Variants in DPH6 observed in about 807,000 individuals in gnomAD.
DPH6 encodes diphthine--ammonia ligase.
DPH6 carries 33 observed loss-of-function variants against 38.2 expected under a neutral mutation model. The ratio of observed to expected loss-of-function variants is 0.86; its 90% CI spans 0.65 to 1.15. The LOEUF (loss-of-function observed/expected upper bound fraction) is 1.15. Among genes scored for constraint, DPH6 ranks in the 50% most tolerant of loss-of-function variants. DPH6 has a pLI of 0.00. For missense variants in DPH6, 325 were observed against 320.0 expected, an observed-to-expected ratio of 1.02 and a Z score of -0.12; for synonymous variants, 108 against 103.0, an observed-to-expected ratio of 1.05 and a Z score of -0.30.
intron 3 of DPH6, among the ~76,000 whole-genome samples, chr15:35,534,171 A>C (rs1011392859): frequency 2.6e-4 from 39 of 152,240 alleles, no homozygotes; most frequent in Non-Finnish European, 1.0e-4. Context: ...TGAGGTCGGG[A>C]GTTTGAGACC....
chr15:35,520,321 GAA>G (rs2054906499), intron 3 of DPH6: 2 of 979,504 alleles, frequency 2.0e-6, no homozygotes, highest in Non-Finnish European at 2.4e-6. Flanking sequence ...AAGTAAAATA[GAA>G]AAAGCAAGTT....
At chr15:35,523,480 T>C (rs2054953930) in intron 3 of DPH6, among the ~76,000 whole-genome samples, 1 of 151,924 alleles carries the variant, frequency 6.6e-6, no homozygotes, top group Admixed American at 6.6e-5. Context: ...ACCTATTTTA[T>C]AACATTATAT....
chr15:35,397,272 T>A (rs1007770925), intron 6 of DPH6, among the ~76,000 whole-genome samples: 2 of 152,230 alleles, frequency 1.3e-5, no homozygotes, highest in Admixed American at 1.3e-4. Flanking sequence ...GATTTCCCAA[T>A]TCTTTGACAG....
chr15:35,435,912 C>G (rs1234105252), intron 5 of DPH6, among the ~76,000 whole-genome samples: 2 of 152,044 alleles, frequency 1.3e-5, no homozygotes, highest in Non-Finnish European at 2.9e-5. Flanking sequence ...CAGCCTTGGT[C>G]CAAACCAGCC....
At chr15:35,442,932 G>C (rs1194369986) in intron 5 of DPH6, among the ~76,000 whole-genome samples, 1 of 152,084 alleles carries the variant, frequency 6.6e-6, no homozygotes, top group Non-Finnish European at 1.5e-5. Flanking sequence ...TTCCTTTTTG[G>C]GGAACACAAA....
the DPH6 span, among the ~76,000 whole-genome samples, chr15:35,171,462 G>A: frequency 5.3e-5 from 8 of 152,260 alleles, no homozygotes; most frequent in Middle Eastern, 3.4e-3. Flanking sequence ...ATGAAAATAG[G>A]TTGAAACACA....
chr15:35,448,365 T>C (rs1279658665), intron 5 of DPH6, among the ~76,000 whole-genome samples: 1 of 152,218 alleles, frequency 6.6e-6, no homozygotes, highest in Non-Finnish European at 1.5e-5. Flanking sequence ...ATATCTCTTG[T>C]GACCTTGATA....
rs893446395 is a variant in DPH6 at position 35,546,124 on chromosome 15, C to T, written c.18G>A (p.Leu6=). 56 of 1,409,240 alleles carry T rather than the reference C, an allele frequency of 4.0e-5. No individual in the cohort carries two copies. The highest frequency in any genetic ancestry group is 4.7e-5 in the Non-Finnish European group (50 of 1,067,748). 87.3% of individuals were successfully genotyped at this position (1,409,240 alleles called of 1,614,324 possible). A position where few individuals can be genotyped will look rare whatever the true frequency, so the allele number is the denominator to read the frequency against. Reference sequence around the variant, plus strand: ...CGGCTCCAGGACCGCATTACCTGATCAGAGCCGCGACCCTCATGCTGGGCG... The same window carrying T: ...CGGCTCCAGGACCGCATTACCTGATTAGAGCCGCGACCCTCATGCTGGGCG... MRVAA[L]ISGGKDSCYN... Residue 6 remains leucine (L), a synonymous_variant, in exon 1 of 9, where the codon CTG becomes CTA. Coordinates refer to ENST00000256538, the MANE Select transcript of DPH6 (RefSeq NM_080650.4).
At chr15:35,273,250 C>T (rs1595456262) in intron 3 of DPH6, among the ~76,000 whole-genome samples, 1 of 152,174 alleles carries the variant, frequency 6.6e-6, no homozygotes, top group East Asian at 1.9e-4. Flanking sequence ...ACCCATCACC[C>T]GACCAGTATA....
chr15:35,473,331 T>C (rs2054220535), intron 3 of DPH6, among the ~76,000 whole-genome samples: 1 of 152,128 alleles, frequency 6.6e-6, no homozygotes, highest in African/African-American at 2.4e-5. Context: ...ACCAAATAAA[T>C]CAGAGGCATC....
chr15:35,524,493 G>A (rs2054969960), intron 3 of DPH6, among the ~76,000 whole-genome samples: 1 of 152,082 alleles, frequency 6.6e-6, no homozygotes, highest in South Asian at 2.1e-4. Context: ...GTTTATGTAT[G>A]CACTATATAT....
intron 3 of DPH6, among the ~76,000 whole-genome samples, chr15:35,331,891 G>A (rs1044956921): frequency 2.6e-5 from 4 of 152,160 alleles, no homozygotes; most frequent in African/African-American, 4.8e-5. Context: ...CTGAGGGAGC[G>A]CCTTTGGCTT....
In DPH6 at chr15:35,454,830, A is replaced by C. The variant is rs778310422; in HGVS notation, c.313-10T>G. ...CTACTTCTTCTTTTTCCTGAAAATA[A>C]AGAAAAAAACCATAACTTTAAAAAT... is the stretch of plus-strand genomic sequence containing the variant. On this transcript the variant is annotated splice_polypyrimidine_tract_variant and intron_variant, in intron 3 of 8. Transcript: ENST00000256538. 5 of 1,589,422 alleles carry C rather than the reference A, an allele frequency of 3.1e-6. No homozygotes were observed. The highest frequency in any genetic ancestry group is 4.3e-6 in the Non-Finnish European group (5 of 1,169,650).
At chr15:35,383,482 G>C (rs561447666) in intron 6 of DPH6, among the ~76,000 whole-genome samples, 1 of 152,284 alleles carries the variant, frequency 6.6e-6, no homozygotes, top group African/African-American at 2.4e-5. Context: ...ACAAGATAAC[G>C]AGACAACCTT....
chr15:35,404,233 G>T (rs2053260164), intron 6 of DPH6, among the ~76,000 whole-genome samples: 1 of 152,044 alleles, frequency 6.6e-6, no homozygotes, highest in African/African-American at 2.4e-5. Flanking sequence ...TTTCTTTTGG[G>T]TATATATCTA....
intron 3 of DPH6, among the ~76,000 whole-genome samples, chr15:35,343,125 A>G (rs1005977557): frequency 6.6e-6 from 1 of 152,208 alleles, no homozygotes; most frequent in Non-Finnish European, 1.5e-5. Context: ...TAATATTATC[A>G]ACTATCTAGT....
At chr15:35,329,697 G>C (rs966281368), downstream of DPH6, among the ~76,000 whole-genome samples, 1 of 152,082 alleles carries the variant, frequency 6.6e-6, no homozygotes, top group Non-Finnish European at 1.5e-5. Context: ...ATACATTGTG[G>C]TTTCTTCAGA....
At chr15:35,465,905 A>C (rs779186414) in intron 3 of DPH6, among the ~76,000 whole-genome samples, 5 of 152,260 alleles carry the variant, frequency 3.3e-5, no homozygotes, top group Non-Finnish European at 5.9e-5. Context: ...ATGTTATTTT[A>C]CTTCTAAGTC....
At chr15:35,176,907 T>G in the DPH6 span, among the ~76,000 whole-genome samples, 2 of 152,358 alleles carry the variant, frequency 1.3e-5, no homozygotes, top group Non-Finnish European at 2.9e-5. Context: ...TCAAAAAGAC[T>G]AATGATTCTC....
Sources: allele counts gnomAD v4.1 joint callset (sites outside exome capture counted in the v4.1 genomes callset), GRCh38; gene constraint gnomAD v4.1.1; transcripts MANE v1.5; gene names NCBI Gene and HGNC (gene_info 2026-07-23, HGNC 2026-07-21).